The following BMPR2 variants were observed in gnomAD, a reference collection of about 807,000 sequenced individuals.
The protein encoded by BMPR2 is bone morphogenetic protein receptor type-2.
BMPR2 carries 29 observed loss-of-function variants against 100.8 expected under a neutral mutation model. That is an observed-to-expected ratio of 0.29 (90% CI 0.21 to 0.39). BMPR2 has a LOEUF of 0.39. Ranked by LOEUF, BMPR2 falls within the 10% of genes least tolerant of loss-of-function variation. The pLI is 1.00. For synonymous variants in BMPR2, 382 were observed against 442.3 expected, an observed-to-expected ratio of 0.86 and a Z score of 1.71; for missense variants, 1,011 against 1,274.5, an observed-to-expected ratio of 0.79 and a Z score of 3.15.
chr2:202,393,888 A>AGC (rs1690604269), intron 1 of BMPR2, among the ~76,000 whole-genome samples: 1 of 56,368 alleles, frequency 1.8e-5, no homozygotes, highest in Non-Finnish European at 3.4e-5. Flanking sequence ...AGAGCGAGAG[A>AGC]GAGAGAGAGA....
chr2:202,459,811 C>A (rs1692190768), intron 1 of BMPR2, among the ~76,000 whole-genome samples: 1 of 152,192 alleles, frequency 6.6e-6, no homozygotes, highest in African/African-American at 2.4e-5. Flanking sequence ...AAGAAACTAT[C>A]AACAGGGTAA....
chr2:202,477,286 A>T (rs567766064), intron 3 of BMPR2, among the ~76,000 whole-genome samples: 4 of 152,190 alleles, frequency 2.6e-5, no homozygotes, highest in Non-Finnish European at 5.9e-5. Context: ...AACTATTACA[A>T]ACATCCTCCC....
intron 1 of BMPR2, among the ~76,000 whole-genome samples, chr2:202,379,225 C>T (rs2105893530): frequency 6.6e-6 from 1 of 152,234 alleles, no homozygotes. Context: ...AAGTGCCTGC[C>T]ATGCACCATC....
intron 3 of BMPR2, among the ~76,000 whole-genome samples, chr2:202,477,418 A>G (rs916933691): frequency 1.3e-5 from 2 of 152,014 alleles, no homozygotes; most frequent in Admixed American, 6.6e-5. Context: ...GTTTCCTATG[A>G]TATTTGTTGT....
chr2:202,428,214 C>G (rs1009456044), intron 1 of BMPR2, among the ~76,000 whole-genome samples: 2 of 152,084 alleles, frequency 1.3e-5, no homozygotes, highest in African/African-American at 4.8e-5. Flanking sequence ...TTTCTTAGCA[C>G]GTGCACACAC....
intron 1 of BMPR2, among the ~76,000 whole-genome samples, chr2:202,451,891 A>G (rs1691994732): frequency 6.6e-6 from 1 of 151,934 alleles, no homozygotes; most frequent in East Asian, 2.0e-4. Flanking sequence ...CTGGGATTAC[A>G]GTCATGAGCC....
chr2:202,392,350 C>T (rs748932599), intron 1 of BMPR2, among the ~76,000 whole-genome samples: 4 of 151,970 alleles, frequency 2.6e-5, no homozygotes, highest in South Asian at 2.1e-4. Context: ...AGATTACAGG[C>T]GTGAGCCACT....
chr2:202,550,399 G>A (rs1034945722), intron 10 of BMPR2, among the ~76,000 whole-genome samples: 7 of 146,000 alleles, frequency 4.8e-5, no homozygotes, highest in African/African-American at 1.5e-4. Context: ...AAAAAAAATT[G>A]TAGAAATGGA....
intron 1 of BMPR2, among the ~76,000 whole-genome samples, chr2:202,439,633 A>G (rs950618983): frequency 2.7e-5 from 4 of 149,778 alleles, no homozygotes; most frequent in African/African-American, 7.6e-5. Context: ...CTCCAGTACA[A>G]GTTTGGATAG....
intron 2 of BMPR2, chr2:202,467,174 A>T (rs1422024372): frequency 3.1e-6 from 1 of 323,936 alleles, no homozygotes; most frequent in East Asian, 8.6e-5. Flanking sequence ...AAGGTAGGAG[A>T]ATCGCTTGAA....
intron 1 of BMPR2, among the ~76,000 whole-genome samples, chr2:202,404,820 C>G (rs1690854499): frequency 6.6e-6 from 1 of 151,608 alleles, no homozygotes; most frequent in Admixed American, 6.6e-5. Context: ...TCTATCGTTC[C>G]AATCTTTATG....
chr2:202,498,073 C>G (rs1254225909), intron 3 of BMPR2, among the ~76,000 whole-genome samples: 1 of 152,182 alleles, frequency 6.6e-6, no homozygotes, highest in Non-Finnish European at 1.5e-5. Context: ...CTGGAGATCC[C>G]TTCCCTCCCT....
intron 1 of BMPR2, among the ~76,000 whole-genome samples, chr2:202,435,461 TAA>T (rs1559037758): frequency 5.5e-5 from 8 of 146,626 alleles, no homozygotes; most frequent in Admixed American, 4.7e-4. Context: ...TGTTTTATTA[TAA>T]GAGTAAAAAT....
chr2:202,500,446 T>A (rs1687360249), intron 3 of BMPR2, among the ~76,000 whole-genome samples: 1 of 152,148 alleles, frequency 6.6e-6, no homozygotes. Flanking sequence ...CCATTTGTTG[T>A]CCCCTACTTG....
chr2:202,405,669 C>T (rs921701034), intron 1 of BMPR2, among the ~76,000 whole-genome samples: 18 of 109,766 alleles, frequency 1.6e-4, no homozygotes, highest in African/African-American at 6.8e-4. Context: ...GCCTGAGCAA[C>T]AGAGCGAGAC....
chr2:202,402,978 G>A (rs577714523), intron 1 of BMPR2, among the ~76,000 whole-genome samples: 3 of 146,336 alleles, frequency 2.1e-5, no homozygotes, highest in Non-Finnish European at 3.0e-5. Context: ...ACAGGCATGC[G>A]CCACCACGCC....
chr2:202,542,561 C>A, intron 10 of BMPR2, 114 bp downstream of exon 10: 2 of 1,260,360 alleles, frequency 1.6e-6, no homozygotes, highest in Non-Finnish European at 2.2e-6. Context: ...TTGCCTAATG[C>A]CACAAATCAA....
chr2:202,490,568 T>C (rs2105981287), intron 3 of BMPR2, among the ~76,000 whole-genome samples: 1 of 152,360 alleles, frequency 6.6e-6, no homozygotes, highest in South Asian at 2.1e-4. Context: ...GCTTTTACTT[T>C]TGTCTGTTTT....
intron 1 of BMPR2, among the ~76,000 whole-genome samples, chr2:202,396,355 A>T (rs1690655951): frequency 6.6e-6 from 1 of 152,190 alleles, no homozygotes; most frequent in Non-Finnish European, 1.5e-5. Flanking sequence ...AATCTGGCTG[A>T]TGGGTTATCA....
Sources: allele counts gnomAD v4.1 joint callset (sites outside exome capture counted in the v4.1 genomes callset), GRCh38; gene constraint gnomAD v4.1.1; transcripts MANE v1.5; gene names NCBI Gene and HGNC (gene_info 2026-07-23, HGNC 2026-07-21).